Variants in CHCHD6 observed in about 807,000 individuals in gnomAD.
The protein encoded by CHCHD6 is MICOS complex subunit MIC25.
In CHCHD6, 28 loss-of-function variants were observed where a neutral mutation model predicts 32.3. That is an observed-to-expected ratio of 0.87 (90% CI 0.64 to 1.19). The LOEUF is 1.19. CHCHD6 is among the 50% of genes most tolerant of loss of function. The pLI is 0.00. For missense variants in CHCHD6, 333 were observed against 307.0 expected (o/e 1.08, Z -0.63); for synonymous variants, 122 against 117.5 (o/e 1.04, Z -0.25).
intron 4 of CHCHD6, among the ~76,000 whole-genome samples, chr3:126,754,395 T>C (rs539412070): frequency 2.6e-5 from 4 of 152,328 alleles, no homozygotes; most frequent in Admixed American, 2.6e-4. Context: ...CAGCTGGCTC[T>C]GTCAGCATAT....
chr3:126,904,310 A>G (rs1355694358), intron 5 of CHCHD6, among the ~76,000 whole-genome samples: 1 of 152,126 alleles, frequency 6.6e-6, no homozygotes, highest in Non-Finnish European at 1.5e-5. Flanking sequence ...AACCCCTTGT[A>G]TGTGTCTCCT....
rs73209643 is a variant in CHCHD6 at position 126,943,289 on chromosome 3, C to T, written c.567-14127C>T. Among the ~76,000 whole-genome samples, 1,106 of 152,238 alleles carry T rather than the reference C, an allele frequency of 7.3e-3. 7 individuals carry two copies. The highest frequency in any genetic ancestry group is 0.012 in the Non-Finnish European group (814 of 68,012). ...ACAAGGCTTTCATTCTTTGTTTTTT[C>T]GGAAAACAACTCAAAGTCCTTTCGT... On this transcript the variant is annotated intron_variant, in intron 6 of 7. Transcript: ENST00000290913.
chr3:126,841,737 T>C (rs1026543876), intron 4 of CHCHD6, among the ~76,000 whole-genome samples: 8 of 151,576 alleles, frequency 5.3e-5, no homozygotes, highest in African/African-American at 1.9e-4. Flanking sequence ...AGACCCCGTC[T>C]TTCCAAAAAA....
At chr3:126,868,789 TA>T (rs901282313) in intron 5 of CHCHD6, among the ~76,000 whole-genome samples, 1 of 152,222 alleles carries the variant, frequency 6.6e-6, no homozygotes, top group South Asian at 2.1e-4. Context: ...TCCTACTAGG[TA>T]AAAACCAGAT....
chr3:126,794,143 T>C (rs1456892233), intron 4 of CHCHD6, among the ~76,000 whole-genome samples: 1 of 152,118 alleles, frequency 6.6e-6, no homozygotes, highest in Non-Finnish European at 1.5e-5. Flanking sequence ...TTTCATGAAC[T>C]TTGAGAAATT....
At chr3:126,942,374 A>G (rs893277282) in intron 6 of CHCHD6, among the ~76,000 whole-genome samples, 4 of 152,154 alleles carry the variant, frequency 2.6e-5, no homozygotes, top group Admixed American at 2.0e-4. Context: ...CTTAGCTTCC[A>G]TTGAGAACAT....
At chr3:126,725,845 C>T (rs1202673686) in intron 1 of CHCHD6, among the ~76,000 whole-genome samples, 8 of 152,182 alleles carry the variant, frequency 5.3e-5, no homozygotes, top group African/African-American at 1.9e-4. Context: ...CTGCAGCTTC[C>T]TCACCTCTCT....
chr3:126,834,377 C>A (rs7647005), intron 4 of CHCHD6, among the ~76,000 whole-genome samples: 152,304 of 152,304 alleles, frequency 1, 76,152 homozygotes, highest in Non-Finnish European at 1. Context: ...AGAGAGAAGA[C>A]AAAATAAGTC....
intron 6 of CHCHD6, among the ~76,000 whole-genome samples, chr3:126,937,129 T>G (rs2078491859): frequency 6.6e-6 from 1 of 152,220 alleles, no homozygotes; most frequent in Non-Finnish European, 1.5e-5. Flanking sequence ...AAGGAAGCCA[T>G]AAGTGAAATT....
At chr3:126,860,347 G>C (rs1040455272) in intron 5 of CHCHD6, among the ~76,000 whole-genome samples, 2 of 152,034 alleles carry the variant, frequency 1.3e-5, no homozygotes, top group African/African-American at 2.4e-5. Context: ...TTTTGAATCA[G>C]AGTTTTCCAA....
At chr3:126,949,286 G>C (rs1007458035) in intron 6 of CHCHD6, 16 of 168,950 alleles carry the variant, frequency 9.5e-5, no homozygotes, top group African/African-American at 3.4e-4. Flanking sequence ...TCATAACCCA[G>C]TGGCGGCCCT....
chr3:126,726,739 G>A (rs765368813), intron 1 of CHCHD6, among the ~76,000 whole-genome samples: 4 of 152,214 alleles, frequency 2.6e-5, no homozygotes, highest in Non-Finnish European at 5.9e-5. Flanking sequence ...TGGGCTGGAG[G>A]TGGTTCAGAG....
In CHCHD6 at chr3:126,906,896, A is replaced by G. The variant is rs1004715859; in HGVS notation, c.496-7784A>G. Reference sequence around the variant, plus strand: ...AAGCACGTTCAGGGAAGGGGGAGTCATCATCCATGTCACAGCAGACGCTGG... The same window carrying G: ...AAGCACGTTCAGGGAAGGGGGAGTCGTCATCCATGTCACAGCAGACGCTGG... On this transcript the variant is annotated intron_variant, in intron 5 of 7. Coordinates refer to ENST00000290913, the MANE Select transcript of CHCHD6 (RefSeq NM_032343.3). Among the ~76,000 whole-genome samples the G allele has an allele frequency of 5.3e-5, 8 of 152,302 alleles. No homozygotes were observed. In the East Asian group the frequency reaches 1.5e-3, roughly 29 times the overall value.
intron 4 of CHCHD6, among the ~76,000 whole-genome samples, chr3:126,806,970 T>C (rs1282067404): frequency 6.9e-6 from 1 of 145,716 alleles, no homozygotes; most frequent in African/African-American, 2.6e-5. Flanking sequence ...ACACCGCATG[T>C]TCTCATTCAT....
chr3:126,722,883 A>G (rs763778365), intron 1 of CHCHD6, among the ~76,000 whole-genome samples: 2 of 152,210 alleles, frequency 1.3e-5, no homozygotes, highest in Non-Finnish European at 2.9e-5. Flanking sequence ...TGCCAAAGCC[A>G]AGGTCATAAT....
At chr3:126,874,764 A>T (rs534260888) in intron 5 of CHCHD6, among the ~76,000 whole-genome samples, 12 of 152,114 alleles carry the variant, frequency 7.9e-5, no homozygotes, top group Non-Finnish European at 8.8e-5. Context: ...CAATAAGTCC[A>T]TATTTCTCAT....
At chr3:126,868,039 A>T (rs1430914383) in intron 5 of CHCHD6, among the ~76,000 whole-genome samples, 12 of 152,208 alleles carry the variant, frequency 7.9e-5, no homozygotes, top group Non-Finnish European at 1.2e-4. Flanking sequence ...GCAGTCCAGC[A>T]GCATCATCTG....
At chr3:126,899,120 A>T (rs2077883939) in intron 5 of CHCHD6, among the ~76,000 whole-genome samples, 1 of 152,222 alleles carries the variant, frequency 6.6e-6, no homozygotes, top group African/African-American at 2.4e-5. Flanking sequence ...GTTTACTGTA[A>T]CTGCCTTTCT....
intron 7 of CHCHD6, among the ~76,000 whole-genome samples, chr3:126,959,577 G>A (rs908582675): frequency 6.6e-6 from 1 of 152,236 alleles, no homozygotes; most frequent in Non-Finnish European, 1.5e-5. Flanking sequence ...AGGCCCACAT[G>A]GTCAAGGGCC....
Sources: allele counts gnomAD v4.1 joint callset (sites outside exome capture counted in the v4.1 genomes callset), GRCh38; gene constraint gnomAD v4.1.1; transcripts MANE v1.5; gene names NCBI Gene and HGNC (gene_info 2026-07-23, HGNC 2026-07-21).